The following GRIK3 variants were observed in gnomAD, a reference collection of about 807,000 sequenced individuals.
GRIK3 encodes the protein glutamate ionotropic receptor kainate type subunit 3, also known as glutamate receptor ionotropic, kainate 3.
In GRIK3, 29 loss-of-function variants were observed where a neutral mutation model predicts 102.5. The ratio of observed to expected loss-of-function variants is 0.28; its 90% CI spans 0.21 to 0.39. The LOEUF (loss-of-function observed/expected upper bound fraction) is 0.39. Ranked by LOEUF, GRIK3 falls within the 10% of genes least tolerant of loss-of-function variation. The probability of loss-of-function intolerance (pLI) is 1.00; values close to 1 mark genes in which losing one functional copy is unlikely to be tolerated. For missense variants in GRIK3, 908 were observed against 1,252.4 expected (o/e 0.73, Z 4.15); for synonymous variants, 511 against 504.9 (o/e 1.01, Z -0.16).
At chr1:36,840,630 G>T (rs1640436594) in intron 10 of GRIK3, among the ~76,000 whole-genome samples, 1 of 151,076 alleles carries the variant, frequency 6.6e-6, no homozygotes, top group Middle Eastern at 3.3e-3. Flanking sequence ...AGGAGACTAA[G>T]GCAGGTGGCT....
intron 1 of GRIK3, among the ~76,000 whole-genome samples, chr1:36,899,092 T>C (rs1322604998): frequency 1.3e-5 from 2 of 152,092 alleles, no homozygotes; most frequent in Non-Finnish European, 2.9e-5. Flanking sequence ...GAAGAAAACA[T>C]AGAACAAAGG....
chr1:36,943,766 T>C (rs1641751989), intron 1 of GRIK3, among the ~76,000 whole-genome samples: 1 of 152,248 alleles, frequency 6.6e-6, no homozygotes, highest in Admixed American at 6.5e-5. Context: ...CAGCAGTCAC[T>C]GGGCTCTAGG....
At chr1:36,915,668 G>A (rs1025243166) in intron 1 of GRIK3, among the ~76,000 whole-genome samples, 6 of 152,078 alleles carry the variant, frequency 3.9e-5, no homozygotes, top group Admixed American at 3.9e-4. Flanking sequence ...TAAGTCTCAC[G>A]AGATCTGATG....
At chr1:36,987,700 G>A (rs1642320227) in intron 1 of GRIK3, among the ~76,000 whole-genome samples, 1 of 152,110 alleles carries the variant, frequency 6.6e-6, no homozygotes, top group Admixed American at 6.5e-5. Context: ...TGGCATGACT[G>A]GAACGGTGGG....
chr1:36,885,192 T>C (rs1432946009), intron 2 of GRIK3, among the ~76,000 whole-genome samples: 1 of 152,190 alleles, frequency 6.6e-6, no homozygotes, highest in Non-Finnish European at 1.5e-5. Context: ...AGACTGACAA[T>C]GATAAATGTG....
chr1:36,960,023 T>C (rs1641986879), intron 1 of GRIK3, among the ~76,000 whole-genome samples: 1 of 109,740 alleles, frequency 9.1e-6, no homozygotes, highest in African/African-American at 3.1e-5. Context: ...CATAAGTCTG[T>C]GTGCCCCGCG....
At chr1:36,884,836 AAGCAGTCAG>A (rs1641020070) in intron 2 of GRIK3, among the ~76,000 whole-genome samples, 1 of 152,144 alleles carries the variant, frequency 6.6e-6, no homozygotes, top group African/African-American at 2.4e-5. Context: ...TGATGCCTTG[AAGCAGTCAG>A]GTCCAGGCTT....
intron 10 of GRIK3, among the ~76,000 whole-genome samples, chr1:36,832,344 G>A (rs1640312324): frequency 6.6e-6 from 1 of 152,190 alleles, no homozygotes; most frequent in East Asian, 1.9e-4. Context: ...CAGCGAGCGT[G>A]TCCTCTGGGT....
chr1:37,002,589 G>A (rs1293700699), intron 1 of GRIK3, among the ~76,000 whole-genome samples: 1 of 152,086 alleles, frequency 6.6e-6, no homozygotes, highest in African/African-American at 2.4e-5. Context: ...AGGTGACATG[G>A]AGAAACAGAC....
At chr1:37,018,166 A>G (rs545882241) in intron 1 of GRIK3, among the ~76,000 whole-genome samples, 7 of 152,298 alleles carry the variant, frequency 4.6e-5, no homozygotes, top group South Asian at 4.1e-4. Context: ...CTTGGCTGCC[A>G]CATGAATAAA....
At chr1:36,996,888 T>C (rs1352778294) in intron 1 of GRIK3, among the ~76,000 whole-genome samples, 1 of 152,196 alleles carries the variant, frequency 6.6e-6, no homozygotes, top group East Asian at 1.9e-4. Context: ...CCAAGGATAT[T>C]TGGCCATGAC....
intron 3 of GRIK3, among the ~76,000 whole-genome samples, chr1:36,875,382 G>A (rs1640902161): frequency 6.6e-6 from 1 of 152,192 alleles, no homozygotes; most frequent in Non-Finnish European, 1.5e-5. Flanking sequence ...ATTCTCCTTG[G>A]GGGAGATTGC....
chr1:36,810,051 A>C (rs1642545297), intron 13 of GRIK3, among the ~76,000 whole-genome samples: 1 of 151,962 alleles, frequency 6.6e-6, no homozygotes, highest in Non-Finnish European at 1.5e-5. Context: ...CCATCTCCTC[A>C]TGGTCTCTGC....
rs1178186047 is a variant in GRIK3 at position 36,823,431 on chromosome 1, G to A, written c.1754+2172C>T. Among the ~76,000 whole-genome samples, 3 of 125,550 alleles carry A rather than the reference G, an allele frequency of 2.4e-5. No homozygotes were observed. The East Asian group carries it at 7.3e-4, about 31-fold the overall frequency. 82.4% of individuals were successfully genotyped at this position (125,550 alleles called of 152,430 possible). The stretch of plus-strand genomic sequence containing the variant: ...AGAGCTTGCAGTGAGCTGAGATCAT[G>A]CCACTGCACTCCAGCTGGGTGACAG... On this transcript the variant is annotated intron_variant, in intron 11 of 15. Coordinates refer to ENST00000373091, the MANE Select transcript of GRIK3 (RefSeq NM_000831.4).
At chr1:36,991,933 T>A (rs1454651608) in intron 1 of GRIK3, among the ~76,000 whole-genome samples, 1 of 152,146 alleles carries the variant, frequency 6.6e-6, no homozygotes, top group Non-Finnish European at 1.5e-5. Flanking sequence ...AGAGCTGGTG[T>A]GGCCAGCCCT....
intron 7 of GRIK3, among the ~76,000 whole-genome samples, chr1:36,856,005 G>A (rs1293991063): frequency 3.3e-5 from 5 of 152,254 alleles, no homozygotes; most frequent in African/African-American, 1.2e-4. Context: ...TCCTGGGGTC[G>A]AGGCACCTAA....
At chr1:36,812,994 G>T (rs184042468) in intron 13 of GRIK3, among the ~76,000 whole-genome samples, 2 of 152,214 alleles carry the variant, frequency 1.3e-5, no homozygotes. Flanking sequence ...CAACTACGAC[G>T]TGCCAGGGCT....
At chr1:37,004,680 G>A (rs746226391) in intron 1 of GRIK3, among the ~76,000 whole-genome samples, 33 of 152,340 alleles carry the variant, frequency 2.2e-4, no homozygotes, top group Admixed American at 7.2e-4. Context: ...CTGTGTTTGC[G>A]TATGTGTGTC....
chr1:37,027,028 G>T (rs1439248989), intron 1 of GRIK3, among the ~76,000 whole-genome samples: 1 of 152,044 alleles, frequency 6.6e-6, no homozygotes, highest in Admixed American at 6.5e-5. Context: ...TTGTCTAGTG[G>T]GGGAGGCACA....
Sources: allele counts gnomAD v4.1 joint callset (sites outside exome capture counted in the v4.1 genomes callset), GRCh38; gene constraint gnomAD v4.1.1; transcripts MANE v1.5; gene names NCBI Gene and HGNC (gene_info 2026-07-23, HGNC 2026-07-21).